PHACTR1: variants seen among roughly 807,000 people sequenced by gnomAD.
PHACTR1 encodes phosphatase and actin regulator 1, also known as RPEL repeat containing 1.
In PHACTR1, 16 loss-of-function variants were observed where a neutral mutation model predicts 69.2. The observed-to-expected ratio is 0.23, with a 90% CI of 0.16 to 0.35. The LOEUF (loss-of-function observed/expected upper bound fraction) is 0.35. PHACTR1 is among the 10% of genes least tolerant of loss of function. The pLI is 1.00. For synonymous variants in PHACTR1, 312 were observed against 284.5 expected, an observed-to-expected ratio of 1.10 and a Z score of -0.97; for missense variants, 510 against 734.7, an observed-to-expected ratio of 0.69 and a Z score of 3.54.
chr6:13,059,250 C>T (rs1490956044), intron 5 of PHACTR1, among the ~76,000 whole-genome samples: 2 of 152,038 alleles, frequency 1.3e-5, no homozygotes, highest in African/African-American at 2.4e-5. Context: ...CATAAGCCCA[C>T]TTCCATGAGG....
intron 4 of PHACTR1, among the ~76,000 whole-genome samples, chr6:12,847,179 A>G (rs1425934133): frequency 6.6e-6 from 1 of 152,184 alleles, no homozygotes; most frequent in Non-Finnish European, 1.5e-5. Context: ...ATGTTGCTGC[A>G]TGGTCTTCAT....
chr6:12,813,154 G>A (rs1775212520), intron 4 of PHACTR1, among the ~76,000 whole-genome samples: 1 of 152,154 alleles, frequency 6.6e-6, no homozygotes, highest in Admixed American at 6.6e-5. Context: ...CAGACAGGAA[G>A]CCCCAATCAT....
intron 4 of PHACTR1, among the ~76,000 whole-genome samples, chr6:12,914,253 C>T (rs1468987563): frequency 6.6e-6 from 1 of 152,210 alleles, no homozygotes; most frequent in Non-Finnish European, 1.5e-5. Context: ...CTGCCTCAGC[C>T]TCCCAAAGTG....
At chr6:13,125,695 A>G (rs924629034) in intron 5 of PHACTR1, among the ~76,000 whole-genome samples, 2 of 152,172 alleles carry the variant, frequency 1.3e-5, no homozygotes, top group African/African-American at 4.8e-5. Context: ...TTGGGAGGCC[A>G]ATGCAGGCAA....
In PHACTR1 at chr6:13,283,584, A is replaced by G; in HGVS notation, c.1650+22A>G. 1 of 1,613,674 alleles carries G rather than the reference A, an allele frequency of 6.2e-7. No individual in the cohort carries two copies. The highest frequency in any genetic ancestry group is 8.5e-7 in the Non-Finnish European group (1 of 1,179,842). The stretch of plus-strand genomic sequence containing the variant: ...CAAAGTAAGCAGAGGGGAGTGCTGG[A>G]GAGTGGGAGGCAGGACCGTCTGCTG... On this transcript the variant is annotated intron_variant, in intron 13 of 14. Transcript: ENST00000332995. This position sits in a 1 kb window ranked among gnomAD's most constrained non-coding sequence, Gnocchi z 4.7.
chr6:12,928,688 T>G (rs965847336), intron 4 of PHACTR1, among the ~76,000 whole-genome samples: 1 of 137,406 alleles, frequency 7.3e-6, no homozygotes, highest in African/African-American at 2.7e-5. Context: ...GGCATCGTGG[T>G]AGGGGGCAGG....
At chr6:12,859,827 T>A (rs1415357543) in intron 4 of PHACTR1, among the ~76,000 whole-genome samples, 1 of 152,122 alleles carries the variant, frequency 6.6e-6, no homozygotes, top group African/African-American at 2.4e-5. Flanking sequence ...ATGAGGACAA[T>A]AGATGTTAAT....
intron 4 of PHACTR1, among the ~76,000 whole-genome samples, chr6:13,048,812 G>A (rs777298692): frequency 6.6e-6 from 1 of 152,180 alleles, no homozygotes; most frequent in Admixed American, 6.5e-5. Context: ...GATTATAGGC[G>A]TGAGCCACCG....
chr6:12,892,114 C>A (rs146370037), intron 4 of PHACTR1, among the ~76,000 whole-genome samples: 1 of 150,058 alleles, frequency 6.7e-6, no homozygotes, highest in African/African-American at 2.4e-5. Context: ...GAACTCTCAA[C>A]CTTTCCAAAT....
intron 3 of PHACTR1, among the ~76,000 whole-genome samples, chr6:12,739,907 C>G (rs560157420): frequency 6.6e-6 from 1 of 152,186 alleles, no homozygotes; most frequent in Non-Finnish European, 1.5e-5. Context: ...GTGACTTGAA[C>G]TTTTACAAAA....
At chr6:12,928,847 A>G (rs1186475254) in intron 4 of PHACTR1, among the ~76,000 whole-genome samples, 1 of 152,236 alleles carries the variant, frequency 6.6e-6, no homozygotes, top group Non-Finnish European at 1.5e-5. Flanking sequence ...CCCCTAAGGC[A>G]GGACTAAAGA....
At chr6:12,834,004 G>A (rs532506812) in intron 4 of PHACTR1, among the ~76,000 whole-genome samples, 37 of 152,248 alleles carry the variant, frequency 2.4e-4, no homozygotes, top group African/African-American at 8.7e-4. Flanking sequence ...CCCCCTTAGA[G>A]AGACCTTCCT....
chr6:13,106,171 C>G (rs1215135847), intron 5 of PHACTR1, among the ~76,000 whole-genome samples: 1 of 152,142 alleles, frequency 6.6e-6, no homozygotes, highest in Non-Finnish European at 1.5e-5. Context: ...GATAAAAGTT[C>G]TTTTCTTTTC....
intron 4 of PHACTR1, among the ~76,000 whole-genome samples, chr6:13,036,239 A>T (rs1803291018): frequency 6.6e-6 from 1 of 152,204 alleles, no homozygotes; most frequent in African/African-American, 2.4e-5. Context: ...TCTTCTTCCA[A>T]ATCCTATCCC....
intron 5 of PHACTR1, among the ~76,000 whole-genome samples, chr6:13,123,011 G>T (rs933073443): frequency 6.6e-6 from 1 of 152,154 alleles, no homozygotes; most frequent in Admixed American, 6.5e-5. Context: ...CTCACAAGAT[G>T]AATTTGGAAG....
intron 13 of PHACTR1, among the ~76,000 whole-genome samples, chr6:13,284,546 A>ATATATATATATATAGATACACG (rs1781154735): frequency 1.4e-5 from 1 of 69,724 alleles, no homozygotes; most frequent in African/African-American, 7.4e-5. Flanking sequence ...AAAAAAAAAT[A>ATATATATATATATAGATACACG]TATATATATA....
chr6:13,026,345 C>G (rs1036726859), intron 4 of PHACTR1, among the ~76,000 whole-genome samples: 1 of 152,186 alleles, frequency 6.6e-6, no homozygotes, highest in African/African-American at 2.4e-5. Flanking sequence ...ACCAACTGGG[C>G]TCGGACAGGT....
chr6:12,730,466 C>A (rs1458126428), intron 3 of PHACTR1, among the ~76,000 whole-genome samples: 1 of 146,924 alleles, frequency 6.8e-6, no homozygotes, highest in Non-Finnish European at 1.5e-5. Context: ...TTTAAAAAAA[C>A]ACACGTGATT....
At chr6:13,146,079 C>G (rs566680433) in intron 5 of PHACTR1, among the ~76,000 whole-genome samples, 12 of 152,306 alleles carry the variant, frequency 7.9e-5, no homozygotes, top group Admixed American at 2.0e-4. Context: ...ACAATGGAAT[C>G]CCATGGCTTG....
Sources: allele counts gnomAD v4.1 joint callset (sites outside exome capture counted in the v4.1 genomes callset), GRCh38; gene constraint gnomAD v4.1.1; non-coding constraint Gnocchi (gnomAD v3.1); transcripts MANE v1.5; gene names NCBI Gene and HGNC (gene_info 2026-07-23, HGNC 2026-07-21).